The following ATP1B1 variants were observed in gnomAD, a reference collection of about 807,000 sequenced individuals.
ATP1B1 encodes the protein ATPase Na+/K+ transporting subunit beta 1.
A neutral mutation model predicts 39.6 loss-of-function variants in ATP1B1; 3 were observed. The observed-to-expected ratio is 0.08, with a 90% CI of 0.03 to 0.20. The LOEUF (loss-of-function observed/expected upper bound fraction) is 0.20. Ranked by LOEUF, ATP1B1 falls within the 10% of genes least tolerant of loss-of-function variation. ATP1B1 has a pLI of 1.00. For missense variants in ATP1B1, 216 were observed against 371.1 expected, an observed-to-expected ratio of 0.58 and a Z score of 3.43; for synonymous variants, 139 against 135.0, an observed-to-expected ratio of 1.03 and a Z score of -0.20.
At chr1:169,118,106 CA>C (rs1657889940) in intron 2 of ATP1B1, among the ~76,000 whole-genome samples, 1 of 152,014 alleles carries the variant, frequency 6.6e-6, no homozygotes, top group South Asian at 2.1e-4. Flanking sequence ...TACAAAATAC[CA>C]AGGATTTGCC....
intron 2 of ATP1B1, among the ~76,000 whole-genome samples, chr1:169,123,447 A>G (rs1258658014): frequency 6.6e-6 from 1 of 151,992 alleles, no homozygotes; most frequent in Non-Finnish European, 1.5e-5. Flanking sequence ...AAGGATAGTG[A>G]TGATGTGCCT....
intron 2 of ATP1B1, among the ~76,000 whole-genome samples, chr1:169,112,946 T>C (rs989146517): frequency 1.3e-5 from 2 of 152,236 alleles, no homozygotes; most frequent in Non-Finnish European, 2.9e-5. Flanking sequence ...TGTCTTTTCA[T>C]GTCCTCTTCT....
Position 169,106,734 on chromosome 1 carries a change from G to A in ATP1B1, c.-96G>A. 2.0e-6 allele frequency: 2 copies of A among 993,236 alleles called. No individual in the cohort carries two copies. Among genetic ancestry groups the A allele is most frequent in the Non-Finnish European group, 1.4e-6 (1 of 704,452 alleles). 61.5% of individuals were successfully genotyped at this position (993,236 alleles called of 1,614,324 possible). ...CAGCGGCGCGTCCTGCCTGCAGAGAGCCAGGCCGGAGAAGCCGAGCGGCGC... is the reference window on the plus strand; with the variant it reads ...CAGCGGCGCGTCCTGCCTGCAGAGAACCAGGCCGGAGAAGCCGAGCGGCGC... On this transcript the variant is annotated 5_prime_UTR_variant, in exon 1 of 6. Coordinates refer to ENST00000367815, the MANE Select transcript of ATP1B1 (RefSeq NM_001677.4).
chr1:169,115,779 A>G (rs1275177696), intron 2 of ATP1B1, among the ~76,000 whole-genome samples: 1 of 152,252 alleles, frequency 6.6e-6, no homozygotes, highest in Admixed American at 6.5e-5. Flanking sequence ...TTAGCTTTCC[A>G]TGGAAATGTT....
intron 2 of ATP1B1, among the ~76,000 whole-genome samples, chr1:169,116,827 G>A (rs1657857239): frequency 6.6e-6 from 1 of 151,606 alleles, no homozygotes; most frequent in Non-Finnish European, 1.5e-5. Flanking sequence ...CTCCAGCCTG[G>A]GCAACTAGAG....
chr1:169,118,637 A>G (rs1453193443), intron 2 of ATP1B1, among the ~76,000 whole-genome samples: 3 of 152,226 alleles, frequency 2.0e-5, no homozygotes, highest in Admixed American at 6.5e-5. Flanking sequence ...TTTCTATCTC[A>G]TATATGTGCG....
chr1:169,107,687 G>T (rs1383542821), intron 1 of ATP1B1, among the ~76,000 whole-genome samples: 2 of 151,938 alleles, frequency 1.3e-5, no homozygotes, highest in Non-Finnish European at 1.5e-5. Flanking sequence ...TGTGCAGCCT[G>T]TTGCTTGGTT....
chr1:169,123,135 G>C (rs960405986), intron 2 of ATP1B1, among the ~76,000 whole-genome samples: 6 of 152,104 alleles, frequency 3.9e-5, no homozygotes, highest in Non-Finnish European at 8.8e-5. Context: ...CCCTACAAAT[G>C]GTGCTGCACT....
intron 1 of ATP1B1, among the ~76,000 whole-genome samples, chr1:169,109,523 A>T (rs1014273596): frequency 6.6e-6 from 1 of 152,228 alleles, no homozygotes; most frequent in African/African-American, 2.4e-5. Context: ...GCAAAAAGGG[A>T]AAATTCCTCA....
chr1:169,123,585 CTA>C (rs377350232), intron 2 of ATP1B1, among the ~76,000 whole-genome samples: 13,415 of 137,854 alleles, frequency 0.097, 691 homozygotes, highest in East Asian at 0.17. Flanking sequence ...ATCTCTCTCT[CTA>C]TATATATATA....
chr1:169,111,288 G>C (rs1414980343), intron 1 of ATP1B1, 82 bp from the exon 2 acceptor site: 5 of 1,561,662 alleles, frequency 3.2e-6, no homozygotes, highest in African/African-American at 2.7e-5. Flanking sequence ...CAGGAAGGAA[G>C]CTTGTTCATC....
At chr1:169,112,157 T>A (rs1427632443) in intron 2 of ATP1B1, among the ~76,000 whole-genome samples, 1 of 152,236 alleles carries the variant, frequency 6.6e-6, no homozygotes, top group African/African-American at 2.4e-5. Context: ...CTTTGTAGTT[T>A]AATTAACTGT....
At chr1:169,108,186 T>C (rs1386484866) in intron 1 of ATP1B1, 1 of 152,226 alleles carries the variant, frequency 6.6e-6, no homozygotes, top group African/African-American at 2.4e-5. Flanking sequence ...GAAGCGTCTT[T>C]CCAAGGTGTT....
At chr1:169,117,152 C>G (rs1310919060) in intron 2 of ATP1B1, among the ~76,000 whole-genome samples, 1 of 152,190 alleles carries the variant, frequency 6.6e-6, no homozygotes, top group Non-Finnish European at 1.5e-5. Flanking sequence ...AATCTCTCAG[C>G]TGACGCGATG....
In ATP1B1 at chr1:169,131,223, CTT is replaced by C; in HGVS notation, c.649-68_649-67del. The C allele has an allele frequency of 1.3e-6, 2 of 1,487,392 alleles. No homozygotes were observed. Among genetic ancestry groups the C allele is most frequent in the Non-Finnish European group, 9.0e-7 (1 of 1,108,288 alleles). 92.1% of individuals were successfully genotyped at this position (1,487,392 alleles called of 1,614,324 possible). The stretch of plus-strand genomic sequence containing the variant: ...TTGCAAACTACTGTGTAGATTGAGT[CTT>C]GTTTTTGAGTACACATAGTGATGCA... On this transcript the variant is annotated intron_variant, in intron 5 of 5. Transcript: ENST00000367815. The surrounding 1 kb of genome is among the most constrained non-coding windows in gnomAD (Gnocchi z 4.4).
chr1:169,108,974 T>TTC (rs1245296593), intron 1 of ATP1B1, among the ~76,000 whole-genome samples: 1 of 152,212 alleles, frequency 6.6e-6, no homozygotes, highest in Admixed American at 6.5e-5. Flanking sequence ...AATGCCCCTT[T>TTC]TCCAGCACTG....
intron 1 of ATP1B1, among the ~76,000 whole-genome samples, chr1:169,108,936 G>A (rs994276453): frequency 6.6e-6 from 1 of 152,198 alleles, no homozygotes; most frequent in Non-Finnish European, 1.5e-5. Flanking sequence ...TAGAAAAGGC[G>A]GCAGCAATTA....
chr1:169,113,071 C>CT (rs1052393547), intron 2 of ATP1B1, among the ~76,000 whole-genome samples: 86 of 138,158 alleles, frequency 6.2e-4, no homozygotes, highest in African/African-American at 9.9e-4. Flanking sequence ...TTTTATAATT[C>CT]TTTTTTTTTT....
Position 169,131,912 on chromosome 1 carries a change from C to G in ATP1B1, c.*357C>G, listed in dbSNP as rs1318386373. The G allele has an allele frequency of 1.2e-5, 4 of 333,666 alleles. No individual in the cohort carries two copies. In the East Asian group the frequency reaches 2.5e-4, roughly 21 times the overall value. 20.7% of individuals were successfully genotyped at this position (333,666 alleles called of 1,614,324 possible). ...GTGTACAGTACTACAGGTGCATACT[C>G]TGGTCATTTTTCAAGCCATGTTTTA... On this transcript the variant is annotated 3_prime_UTR_variant, in exon 6 of 6. Transcript: ENST00000367815. The surrounding 1 kb of genome is among the most constrained non-coding windows in gnomAD (Gnocchi z 4.4).
Sources: allele counts gnomAD v4.1 joint callset (sites outside exome capture counted in the v4.1 genomes callset), GRCh38; gene constraint gnomAD v4.1.1; non-coding constraint Gnocchi (gnomAD v3.1); transcripts MANE v1.5; gene names NCBI Gene and HGNC (gene_info 2026-07-23, HGNC 2026-07-21).